Variants in CGB2 observed in about 807,000 individuals in gnomAD.
CGB2 encodes the protein chorionic gonadotropin subunit beta 2.
A neutral mutation model predicts 7.1 loss-of-function variants in CGB2; 4 were observed. The ratio of observed to expected loss-of-function variants is 0.57; its 90% CI spans 0.28 to 1.29. The LOEUF is 1.29. Ranked by LOEUF, CGB2 falls within the 50% of genes most tolerant of loss-of-function variation. The pLI is 0.10. For synonymous variants in CGB2, 51 were observed against 100.3 expected, an observed-to-expected ratio of 0.51 and a Z score of 2.94; for missense variants, 88 against 224.0, an observed-to-expected ratio of 0.39 and a Z score of 3.88.
intron 1 of CGB2, 184 bp downstream of exon 1, chr19:49,032,288 C>A (rs991205697): frequency 4.4e-6 from 7 of 1,590,302 alleles, no homozygotes; most frequent in South Asian, 3.4e-5. Flanking sequence ...TCAGGTGGGG[C>A]AGTTCCTGAG....
rs999611507 is a variant in CGB2 at position 49,032,397 on chromosome 19, C to T, written c.10-107C>T. 14 of 1,600,008 alleles carry T rather than the reference C, an allele frequency of 8.7e-6. No homozygotes were observed. The African/African-American group carries it at 1.1e-4, about 12-fold the overall frequency. ...GGTGGTGGGTCCTGAATAGGAGATG[C>T]CACGAAGGGTCTCTGGGTCTTTGTG... is the stretch of plus-strand genomic sequence containing the variant. On this transcript the variant is annotated intron_variant, in intron 1 of 2. Coordinates refer to ENST00000359342, the MANE Select transcript of CGB2 (RefSeq NM_033378.2).
At position 49,033,168 on chromosome 19, in the gene CGB2, C is replaced by T; in HGVS notation, c.439C>T (p.Pro147Ser). ...CTCAAAGGCCCCTCCCCCCAGCCTT[C>T]CAAGCCCATCCCGACTCCCGGGGCC... is the stretch of plus-strand genomic sequence containing the variant. ...SSSKAPPPSL[P>S]SPSRLPGPSD... Residue 147 changes from proline (P) to serine (S), a missense_variant, in exon 3 of 3, where the codon CCA (proline) becomes TCA (serine). This residue lies in a region of CGB2 where 29 missense variants were observed against 30.7 expected (regional missense o/e 0.94). Transcript: ENST00000359342. 2.5e-6 allele frequency: 4 copies of T among 1,611,146 alleles called. No homozygotes were observed. The highest frequency in any genetic ancestry group is 3.4e-6 in the Non-Finnish European group (4 of 1,179,840).
intron 1 of CGB2, 131 bp downstream of exon 1, chr19:49,032,235 G>A (rs2039745094): frequency 6.2e-7 from 1 of 1,611,654 alleles, no homozygotes; most frequent in Non-Finnish European, 8.5e-7. Flanking sequence ...TGTGAGCTGT[G>A]GAAGGAGGCC....
Position 49,032,497 on chromosome 19 carries a change from G to C in CGB2, c.10-7G>C, listed in dbSNP as rs1454387785. On this transcript the variant is annotated splice_polypyrimidine_tract_variant and splice_region_variant and intron_variant, in intron 1 of 2. Transcript: ENST00000359342. ...CAGACCCGGGTGAAGCAGTGTCCTT[G>C]TCCCAGGGGCTGCTGCTGTTGCTGC... 6.3e-7 allele frequency: 1 copy of C among 1,580,432 alleles called. No individual in the cohort carries two copies. Among genetic ancestry groups the C allele is most frequent in the Non-Finnish European group, 8.5e-7 (1 of 1,172,674 alleles).
Position 49,032,031 on chromosome 19 carries a change from A to T in CGB2, c.-65A>T. 6.2e-7 allele frequency: 1 copy of T among 1,609,852 alleles called. No individual in the cohort carries two copies. Among genetic ancestry groups the T allele is most frequent in the Non-Finnish European group, 8.5e-7 (1 of 1,176,268 alleles). ...CTCCCTGTCTCACTCCCCCACGGAG[A>T]CTCAATTTACTTTCCATGTCCACAT... On this transcript the variant is annotated 5_prime_UTR_variant, in exon 1 of 3. Coordinates refer to ENST00000359342, the MANE Select transcript of CGB2 (RefSeq NM_033378.2).
In CGB2 at chr19:49,032,035, A is replaced by T. The variant is rs2039740798; in HGVS notation, c.-61A>T. On this transcript the variant is annotated 5_prime_UTR_variant, in exon 1 of 3. Coordinates refer to ENST00000359342, the MANE Select transcript of CGB2 (RefSeq NM_033378.2). ...CTGTCTCACTCCCCCACGGAGACTC[A>T]ATTTACTTTCCATGTCCACATCCCC... 9 of 1,611,732 alleles carry T rather than the reference A, an allele frequency of 5.6e-6. No homozygotes were observed. In the Admixed American group the frequency reaches 1.0e-4, roughly 18 times the overall value.
intron 1 of CGB2, 172 bp from the exon 2 acceptor site, chr19:49,032,332 C>T (rs2039747071): frequency 4.4e-6 from 7 of 1,577,820 alleles, no homozygotes; most frequent in Admixed American, 1.9e-5. Flanking sequence ...TATCTGAGAT[C>T]CTCTGGGCTG....
intron 1 of CGB2, 175 bp downstream of exon 1, chr19:49,032,279 C>G: frequency 6.3e-7 from 1 of 1,594,708 alleles, no homozygotes; most frequent in Non-Finnish European, 8.6e-7. Flanking sequence ...CAGTAAGCTT[C>G]AGGTGGGGCA....
At position 49,032,001 on chromosome 19, in the gene CGB2, C is replaced by G. The variant is rs935959576; in HGVS notation, c.-95C>G. On this transcript the variant is annotated 5_prime_UTR_variant, in exon 1 of 3. Transcript: ENST00000359342. The stretch of plus-strand genomic sequence containing the variant: ...GGGTTCCCGTGCCGCGTCCAACACC[C>G]CTCACTCCCTGTCTCACTCCCCCAC... The G allele has an allele frequency of 5.1e-6, 8 of 1,570,148 alleles. No individual in the cohort carries two copies. The highest frequency in any genetic ancestry group is 6.1e-6 in the Non-Finnish European group (7 of 1,140,664).
In CGB2 at chr19:49,032,501, C is replaced by T; in HGVS notation, c.10-3C>T. On this transcript the variant is annotated splice_polypyrimidine_tract_variant and splice_region_variant and intron_variant, in intron 1 of 2. Coordinates refer to ENST00000359342, the MANE Select transcript of CGB2 (RefSeq NM_033378.2). ...CCCGGGTGAAGCAGTGTCCTTGTCC[C>T]AGGGGCTGCTGCTGTTGCTGCTGCT... 5 of 1,582,594 alleles carry T rather than the reference C, an allele frequency of 3.2e-6. No individual in the cohort carries two copies. Among genetic ancestry groups the T allele is most frequent in the Non-Finnish European group, 4.3e-6 (5 of 1,173,712 alleles).
At position 49,031,973 on chromosome 19, in the gene CGB2, G is replaced by T. The variant is rs1395049383; in HGVS notation, c.-123G>T. On this transcript the variant is annotated 5_prime_UTR_variant, in exon 1 of 3. Coordinates refer to ENST00000359342, the MANE Select transcript of CGB2 (RefSeq NM_033378.2). Reference sequence around the variant, plus strand: ...CAGCCAATTGGGTCCGCTGACTCCGGCCGGGTTCCCGTGCCGCGTCCAACA... The same window carrying T: ...CAGCCAATTGGGTCCGCTGACTCCGTCCGGGTTCCCGTGCCGCGTCCAACA... 3 of 1,398,478 alleles carry T rather than the reference G, an allele frequency of 2.1e-6. No individual in the cohort carries two copies. The highest frequency in any genetic ancestry group is 1.0e-6 in the Non-Finnish European group (1 of 987,652). The allele number at this position is 1,398,478 out of a possible 1,614,324, so 86.6% of individuals were successfully genotyped here. A position where few individuals can be genotyped will look rare whatever the true frequency, so the allele number is the denominator to read the frequency against.
At chr19:49,032,381 T>C in intron 1 of CGB2, 123 bp from the exon 2 acceptor site, 1 of 1,598,400 alleles carries the variant, frequency 6.3e-7, no homozygotes, top group Non-Finnish European at 8.5e-7. Context: ...GGGTGGTGGG[T>C]CCTGAATAGG....
Position 49,031,954 on chromosome 19 carries a change from A to G in CGB2, c.-142A>G, listed in dbSNP as rs1178795535. On this transcript the variant is annotated 5_prime_UTR_variant, in exon 1 of 3. Coordinates refer to ENST00000359342, the MANE Select transcript of CGB2 (RefSeq NM_033378.2). ...AACTGTATCTGAGAGAGAGCAGCCA[A>G]TTGGGTCCGCTGACTCCGGCCGGGT... 16 of 1,145,902 alleles carry G rather than the reference A, an allele frequency of 1.4e-5. No homozygotes were observed. The highest frequency in any genetic ancestry group is 1.9e-4 in the Middle Eastern group (1 of 5,144). 71.0% of individuals were successfully genotyped at this position (1,145,902 alleles called of 1,614,324 possible).
Position 49,033,161 on chromosome 19 carries a change from C to A in CGB2, c.432C>A (p.Pro144=). 6.2e-7 allele frequency: 1 copy of A among 1,610,902 alleles called. No homozygotes were observed. ...CCTCTTCCTCAAAGGCCCCTCCCCC[C>A]AGCCTTCCAAGCCCATCCCGACTCC... is the stretch of plus-strand genomic sequence containing the variant. ...QASSSSKAPP[P]SLPSPSRLPG... The change falls in exon 3 of 3, where the codon CCC becomes CCA. Residue 144 remains proline, a synonymous_variant. Transcript: ENST00000359342.
Position 49,032,674 on chromosome 19 carries a change from G to A in CGB2, c.177+3G>A. On this transcript the variant is annotated splice_donor_region_variant and intron_variant, in intron 2 of 2. Transcript: ENST00000359342. ...GTGCCGGCTACTGCCCCACCATGGTGAGCTGCCCGGGGCCGGGGCAGGTGC... is the reference window on the plus strand; with the variant it reads ...GTGCCGGCTACTGCCCCACCATGGTAAGCTGCCCGGGGCCGGGGCAGGTGC... 1 of 1,227,348 alleles carries A rather than the reference G, an allele frequency of 8.1e-7. No individual in the cohort carries two copies. Among genetic ancestry groups the A allele is most frequent in the East Asian group, 2.6e-5 (1 of 38,620 alleles). 76.0% of individuals were successfully genotyped at this position (1,227,348 alleles called of 1,614,324 possible).
chr19:49,031,944 A>C lies in CGB2; in HGVS notation c.-152A>C. The C allele has an allele frequency of 9.9e-7, 1 of 1,006,278 alleles. No individual in the cohort carries two copies. Among genetic ancestry groups the C allele is most frequent in the Non-Finnish European group, 1.5e-6 (1 of 649,960 alleles). 62.3% of individuals were successfully genotyped at this position (1,006,278 alleles called of 1,614,324 possible). On this transcript the variant is annotated 5_prime_UTR_variant, in exon 1 of 3. Coordinates refer to ENST00000359342, the MANE Select transcript of CGB2 (RefSeq NM_033378.2). ...GAGGAAGGGGAACTGTATCTGAGAGAGAGCAGCCAATTGGGTCCGCTGACT... is the reference window on the plus strand; with the variant it reads ...GAGGAAGGGGAACTGTATCTGAGAGCGAGCAGCCAATTGGGTCCGCTGACT...
At position 49,032,416 on chromosome 19, in the gene CGB2, C is replaced by T. The variant is rs970709944; in HGVS notation, c.10-88C>T. On this transcript the variant is annotated intron_variant, in intron 1 of 2. Coordinates refer to ENST00000359342, the MANE Select transcript of CGB2 (RefSeq NM_033378.2). ...GAGATGCCACGAAGGGTCTCTGGGT[C>T]TTTGTGGGTGGTGTACCACGCGGGA... 55 of 1,597,222 alleles carry T rather than the reference C, an allele frequency of 3.4e-5. No individual in the cohort carries two copies. In the African/African-American group the frequency reaches 7.0e-4, roughly 20 times the overall value.
At position 49,031,938 on chromosome 19, in the gene CGB2, T is replaced by C; in HGVS notation, c.-158T>C. On this transcript the variant is annotated 5_prime_UTR_variant, in exon 1 of 3. Transcript: ENST00000359342. ...TGGAGGGAGGAAGGGGAACTGTATCTGAGAGAGAGCAGCCAATTGGGTCCG... is the reference window on the plus strand; with the variant it reads ...TGGAGGGAGGAAGGGGAACTGTATCCGAGAGAGAGCAGCCAATTGGGTCCG... 1.0e-6 allele frequency: 1 copy of C among 961,316 alleles called. No individual in the cohort carries two copies. Among genetic ancestry groups the C allele is most frequent in the Non-Finnish European group, 1.6e-6 (1 of 614,034 alleles). The allele number at this position is 961,316 out of a possible 1,614,324, so 59.5% of individuals were successfully genotyped here. A position where few individuals can be genotyped will look rare whatever the true frequency, so the allele number is the denominator to read the frequency against.
In CGB2 at chr19:49,032,116, C is replaced by A. The variant is rs370856581; in HGVS notation, c.9+12C>A. 1.2e-5 allele frequency: 19 copies of A among 1,613,792 alleles called. No homozygotes were observed. The highest frequency in any genetic ancestry group is 1.5e-5 in the Non-Finnish European group (18 of 1,179,842). On this transcript the variant is annotated intron_variant, in intron 1 of 2. Coordinates refer to ENST00000359342, the MANE Select transcript of CGB2 (RefSeq NM_033378.2). Reference sequence around the variant, plus strand: ...GAGACATGTCAAAGGTAGGGTAGATCGACATTTCCAGGCACCAAAGATGGA... The same window carrying A: ...GAGACATGTCAAAGGTAGGGTAGATAGACATTTCCAGGCACCAAAGATGGA...
Sources: allele counts gnomAD v4.1 joint callset, GRCh38; gene constraint gnomAD v4.1.1; regional missense constraint gnomAD v4.1.1; transcripts MANE v1.5; gene names NCBI Gene and HGNC (gene_info 2026-07-23, HGNC 2026-07-21).